Variants in UTRN observed in about 807,000 individuals in gnomAD.
The protein encoded by UTRN is dystrophin-related protein 1.
In UTRN, 283 loss-of-function variants were observed where a neutral mutation model predicts 463.9. The ratio of observed to expected loss-of-function variants is 0.61; its 90% CI spans 0.55 to 0.67. The LOEUF is 0.67. UTRN is among the 30% of genes least tolerant of loss of function. The pLI is 0.00. For synonymous variants in UTRN, 1,442 were observed against 1,431.5 expected (o/e 1.01, Z -0.17); for missense variants, 3,922 against 4,084.3 (o/e 0.96, Z 1.08).
intron 51 of UTRN, among the ~76,000 whole-genome samples, chr6:144,650,473 A>G (rs1172654977): frequency 6.6e-6 from 1 of 152,258 alleles, no homozygotes; most frequent in South Asian, 2.1e-4. Context: ...TAGTAATTCA[A>G]TAACGACTTT....
chr6:144,416,194 C>T (rs771500772), intron 3 of UTRN, among the ~76,000 whole-genome samples: 6 of 152,108 alleles, frequency 3.9e-5, no homozygotes, highest in Non-Finnish European at 8.8e-5. Context: ...AATTGCTCAT[C>T]GGTCACCCTA....
At position 144,704,869 on chromosome 6, in the gene UTRN, G is replaced by A. The variant is rs536810571; in HGVS notation, c.7809+4626G>A. Reference sequence around the variant, plus strand: ...CCCAGCTATTTGGGAGGCTGAAGCAGGAGAATTGCTGGAACCCAGGAGGCA... The same window carrying A: ...CCCAGCTATTTGGGAGGCTGAAGCAAGAGAATTGCTGGAACCCAGGAGGCA... On this transcript the variant is annotated intron_variant, in intron 53 of 74. Coordinates refer to ENST00000367545, the MANE Select transcript of UTRN (RefSeq NM_007124.3). Among the ~76,000 whole-genome samples, 13 of 152,210 alleles carry A rather than the reference G, an allele frequency of 8.5e-5. No homozygotes were observed. The South Asian group carries it at 2.5e-3, about 29-fold the overall frequency.
intron 54 of UTRN, among the ~76,000 whole-genome samples, chr6:144,744,792 T>C (rs1279998323): frequency 6.6e-6 from 1 of 152,204 alleles, no homozygotes; most frequent in South Asian, 2.1e-4. Context: ...GCAAATTAGA[T>C]TACCCTCTTA....
intron 41 of UTRN, among the ~76,000 whole-genome samples, chr6:144,526,114 C>G (rs1796549570): frequency 1.3e-5 from 2 of 152,154 alleles, no homozygotes; most frequent in South Asian, 2.1e-4. Context: ...CATGGTCTAT[C>G]TTGGAGAATA....
At chr6:144,530,128 C>T (rs1432833513) in intron 41 of UTRN, among the ~76,000 whole-genome samples, 1 of 152,148 alleles carries the variant, frequency 6.6e-6, no homozygotes, top group East Asian at 1.9e-4. Flanking sequence ...CTCAGGCAGC[C>T]GTTATAAGAT....
At position 144,851,034 on chromosome 6, in the gene UTRN, A is replaced by C; in HGVS notation, c.*37A>C. 6.2e-7 allele frequency: 1 copy of C among 1,613,498 alleles called. No individual in the cohort carries two copies. On this transcript the variant is annotated 3_prime_UTR_variant, in exon 75 of 75. Coordinates refer to ENST00000367545, the MANE Select transcript of UTRN (RefSeq NM_007124.3). ...GGCCAACCAATGTTTCCTGACGTACAGTGTTGCCCTTTTCAGCAAATGCCA... is the reference window on the plus strand; with the variant it reads ...GGCCAACCAATGTTTCCTGACGTACCGTGTTGCCCTTTTCAGCAAATGCCA...
At chr6:144,587,966 T>G (rs1034475722) in intron 51 of UTRN, among the ~76,000 whole-genome samples, 14 of 152,168 alleles carry the variant, frequency 9.2e-5, no homozygotes, top group African/African-American at 3.4e-4. Flanking sequence ...GTGTGAAGGT[T>G]GAGGTTTAAT....
chr6:144,311,313 T>G (rs1442366197), intron 2 of UTRN, among the ~76,000 whole-genome samples: 1 of 152,186 alleles, frequency 6.6e-6, no homozygotes, highest in Non-Finnish European at 1.5e-5. Context: ...ATAGGTAGGA[T>G]GTGGCTTTCT....
At chr6:144,824,995 G>C (rs1780052550) in intron 66 of UTRN, among the ~76,000 whole-genome samples, 1 of 151,800 alleles carries the variant, frequency 6.6e-6, no homozygotes, top group Non-Finnish European at 1.5e-5. Flanking sequence ...TGTTACCAAG[G>C]CTGGCCTCAG....
chr6:144,652,003 CT>C (rs1220854445), intron 51 of UTRN, among the ~76,000 whole-genome samples: 1 of 152,106 alleles, frequency 6.6e-6, no homozygotes, highest in Non-Finnish European at 1.5e-5. Context: ...TTGTGTTGTA[CT>C]TTTAAAGGCT....
intron 51 of UTRN, among the ~76,000 whole-genome samples, chr6:144,606,263 A>G (rs1804837838): frequency 6.6e-6 from 1 of 152,226 alleles, no homozygotes. Context: ...AATCATATGC[A>G]GCTTATCCAT....
At chr6:144,692,509 A>G (rs1783534867) in intron 52 of UTRN, among the ~76,000 whole-genome samples, 2 of 152,204 alleles carry the variant, frequency 1.3e-5, no homozygotes, top group African/African-American at 2.4e-5. Context: ...ACTCCAACCA[A>G]CAGTGTAAAA....
intron 2 of UTRN, among the ~76,000 whole-genome samples, chr6:144,325,186 C>T (rs938730667): frequency 1.3e-4 from 20 of 151,884 alleles, no homozygotes; most frequent in Non-Finnish European, 8.8e-5. Context: ...AAGTGTCCCC[C>T]GAATTTCATG....
At chr6:144,503,744 A>T (rs1484686182) in intron 34 of UTRN, among the ~76,000 whole-genome samples, 2 of 152,086 alleles carry the variant, frequency 1.3e-5, no homozygotes, top group African/African-American at 4.8e-5. Flanking sequence ...TTTTGTTTCC[A>T]TATGAAATTT....
At chr6:144,451,045 G>A (rs577029726) in intron 17 of UTRN, among the ~76,000 whole-genome samples, 10 of 152,302 alleles carry the variant, frequency 6.6e-5, no homozygotes, top group African/African-American at 2.4e-4. Flanking sequence ...TCTGGAGGCG[G>A]AGGTTGCAGT....
At chr6:144,330,851 C>G (rs886977954) in intron 2 of UTRN, 61 of 985,290 alleles carry the variant, frequency 6.2e-5, no homozygotes, top group Non-Finnish European at 7.3e-5. Flanking sequence ...CAATTTGACT[C>G]CATCAAAGCA....
At chr6:144,557,371 G>C in intron 50 of UTRN, 60 bp downstream of exon 50, 1 of 1,539,482 alleles carries the variant, frequency 6.5e-7, no homozygotes, top group Admixed American at 2.0e-5. Context: ...TGATGGCTTT[G>C]GCTTTCTCGT....
intron 60 of UTRN, among the ~76,000 whole-genome samples, chr6:144,774,586 C>T (rs1489430185): frequency 6.6e-6 from 1 of 152,060 alleles, no homozygotes; most frequent in South Asian, 2.1e-4. Context: ...ACAAAATTAA[C>T]CAAAACACAG....
chr6:144,659,888 G>T, intron 51 of UTRN: 1 of 204,694 alleles, frequency 4.9e-6, no homozygotes, highest in Non-Finnish European at 1.0e-5. Flanking sequence ...TGGCCTGCAG[G>T]TCATTAGTGA....
Sources: allele counts gnomAD v4.1 joint callset (sites outside exome capture counted in the v4.1 genomes callset), GRCh38; gene constraint gnomAD v4.1.1; transcripts MANE v1.5; gene names NCBI Gene and HGNC (gene_info 2026-07-23, HGNC 2026-07-21).